SRPRB: variants seen among roughly 807,000 people sequenced by gnomAD.
SRPRB encodes SRP receptor subunit beta.
Under a neutral mutation model 31.9 loss-of-function variants are expected in SRPRB, and 20 were observed. The observed-to-expected ratio is 0.63, with a 90% CI of 0.44 to 0.91. The LOEUF (loss-of-function observed/expected upper bound fraction) is 0.91. Ranked by LOEUF, SRPRB falls within the 40% of genes least tolerant of loss-of-function variation. The pLI is 0.00. For synonymous variants in SRPRB, 146 were observed against 132.8 expected, an observed-to-expected ratio of 1.10 and a Z score of -0.68; for missense variants, 321 against 324.9, an observed-to-expected ratio of 0.99 and a Z score of 0.09.
At chr3:133,787,455 A>T (rs2107947920) in intron 1 of SRPRB, 1 of 152,358 alleles carries the variant, frequency 6.6e-6, no homozygotes, top group Admixed American at 6.5e-5. Context: ...ATTTTATTTT[A>T]CAGTGCTATG....
downstream of SRPRB, among the ~76,000 whole-genome samples, chr3:133,822,972 A>T (rs913528353): frequency 6.6e-6 from 1 of 152,232 alleles, no homozygotes; most frequent in Non-Finnish European, 1.5e-5. Context: ...GCAGCAGACC[A>T]TGGAAATACT....
chr3:133,794,919 G>A (rs2107958159), intron 1 of SRPRB: 1 of 152,302 alleles, frequency 6.6e-6, no homozygotes, highest in East Asian at 1.9e-4. Context: ...ACTTTTATTT[G>A]TGAAGAATTT....
At chr3:133,802,917 A>G (rs1012105045), upstream of SRPRB, among the ~76,000 whole-genome samples, 9 of 152,150 alleles carry the variant, frequency 5.9e-5, no homozygotes, top group African/African-American at 7.2e-5. Context: ...TCTCCCGTTG[A>G]GGTCCCTAAT....
At chr3:133,806,072 A>T in intron 1 of SRPRB, 70 bp downstream of exon 1, 2 of 1,558,872 alleles carry the variant, frequency 1.3e-6, no homozygotes, top group Non-Finnish European at 1.7e-6. Context: ...GCACCGCTGC[A>T]GGCCGGGGAC....
chr3:133,818,984 A>G (rs182907225), intron 6 of SRPRB, among the ~76,000 whole-genome samples: 67 of 152,264 alleles, frequency 4.4e-4, no homozygotes, highest in Admixed American at 4.3e-3. Context: ...AGGCCGACAA[A>G]TGAGTGTTGC....
At chr3:133,805,804 A>G, upstream of SRPRB, 2 of 1,573,006 alleles carry the variant, frequency 1.3e-6, no homozygotes, top group Non-Finnish European at 1.7e-6. Context: ...CGCAGAGTGC[A>G]GGGCCACGTC....
chr3:133,812,823 A>G (rs113823600), intron 4 of SRPRB, among the ~76,000 whole-genome samples: 1 of 152,180 alleles, frequency 6.6e-6, no homozygotes, highest in African/African-American at 2.4e-5. Context: ...ACCCCCATCC[A>G]TACTTTTTTT....
At chr3:133,798,652 G>A (rs868423297) in intron 1 of SRPRB, among the ~76,000 whole-genome samples, 1 of 152,086 alleles carries the variant, frequency 6.6e-6, no homozygotes, top group South Asian at 2.1e-4. Flanking sequence ...TACTCATATA[G>A]CTTTAGGATT....
intron 3 of SRPRB, chr3:133,810,302 G>A (rs1935236651): frequency 6.6e-6 from 1 of 152,184 alleles, no homozygotes; most frequent in Non-Finnish European, 1.5e-5. Context: ...CTGAACTGTG[G>A]GTATGGTTGG....
Position 133,819,783 on chromosome 3 carries a change from A to C in SRPRB, c.*17A>C. Reference sequence around the variant, plus strand: ...ATTGCCTGAGAGGCAGCTCTAAAGCACAAGACCTGGATGTGTGACACACAG... The same window carrying C: ...ATTGCCTGAGAGGCAGCTCTAAAGCCCAAGACCTGGATGTGTGACACACAG... On this transcript the variant is annotated 3_prime_UTR_variant, in exon 7 of 7. Coordinates refer to ENST00000678299, the MANE Select transcript of SRPRB (RefSeq NM_001379313.1). The C allele has an allele frequency of 6.2e-7, 1 of 1,611,224 alleles. No individual in the cohort carries two copies. The highest frequency in any genetic ancestry group is 8.5e-7 in the Non-Finnish European group (1 of 1,178,462).
At chr3:133,827,951 A>G (rs1350013464), downstream of SRPRB, 14 of 702,630 alleles carry the variant, frequency 2.0e-5, no homozygotes, top group Admixed American at 2.4e-4. Context: ...CAGTCTATAA[A>G]CCACGCACCA....
upstream of SRPRB, among the ~76,000 whole-genome samples, chr3:133,803,480 A>G (rs1347277559): frequency 2.6e-5 from 4 of 152,144 alleles, no homozygotes; most frequent in Non-Finnish European, 5.9e-5. Flanking sequence ...ACTAGGCCAA[A>G]CTAACAGCCA....
At chr3:133,804,021 G>A (rs1453155360), upstream of SRPRB, among the ~76,000 whole-genome samples, 13 of 147,900 alleles carry the variant, frequency 8.8e-5, no homozygotes, top group African/African-American at 2.7e-4. Context: ...GCGTGAACCC[G>A]GGAGGCGGAG....
At chr3:133,789,091 T>A (rs1438264876) in intron 1 of SRPRB, 1 of 152,342 alleles carries the variant, frequency 6.6e-6, no homozygotes, top group African/African-American at 2.4e-5. Flanking sequence ...CTCTTAAGAC[T>A]GGACCCCAAA....
intron 3 of SRPRB, among the ~76,000 whole-genome samples, chr3:133,809,439 G>C (rs180981043): frequency 2.2e-4 from 34 of 151,758 alleles, no homozygotes; most frequent in African/African-American, 8.0e-4. Flanking sequence ...ATTAAAGATT[G>C]TAAAGAAAAA....
At chr3:133,808,904 A>AT (rs1291603810) in intron 3 of SRPRB, among the ~76,000 whole-genome samples, 300 of 150,752 alleles carry the variant, frequency 2.0e-3, no homozygotes, top group African/African-American at 5.4e-3. Flanking sequence ...AAAAAAAAAA[A>AT]ATATAAGGAA....
rs1002716248 is a variant in SRPRB at position 133,819,781 on chromosome 3, G to A, written c.*15G>A. 1.9e-6 allele frequency: 3 copies of A among 1,611,706 alleles called. No individual in the cohort carries two copies. The African/African-American group carries it at 4.0e-5, about 22-fold the overall frequency. On this transcript the variant is annotated 3_prime_UTR_variant, in exon 7 of 7. Coordinates refer to ENST00000678299, the MANE Select transcript of SRPRB (RefSeq NM_001379313.1). ...AAATTGCCTGAGAGGCAGCTCTAAA[G>A]CACAAGACCTGGATGTGTGACACAC...
At position 133,800,200 on chromosome 3, in the gene SRPRB, C is replaced by T. The variant is rs902338440; in HGVS notation, c.-173-5476C>T. Among the ~76,000 whole-genome samples the T allele has an allele frequency of 2.0e-5, 3 of 152,336 alleles. 1 individual carries two copies. Among genetic ancestry groups the T allele is most frequent in the African/African-American group, 7.2e-5 (3 of 41,580 alleles). ...GCAGATAGGGACCACCTAGGACCTC[C>T]GGGTGTTTCCTTCCCAGATCAAGTC... On this transcript the variant is annotated intron_variant, in intron 1 of 7. Coordinates refer to the SRPRB transcript ENST00000466490.
downstream of SRPRB, chr3:133,826,661 AAAG>A (rs1429817918): frequency 1.3e-5 from 2 of 152,682 alleles, no homozygotes; most frequent in Non-Finnish European, 1.5e-5. Context: ...CCGTGCATAT[AAAG>A]TACATAGAGA....
Sources: allele counts gnomAD v4.1 joint callset (sites outside exome capture counted in the v4.1 genomes callset), GRCh38; gene constraint gnomAD v4.1.1; transcripts MANE v1.5; gene names NCBI Gene and HGNC (gene_info 2026-07-23, HGNC 2026-07-21).